Variants in XXYLT1 observed in about 807,000 individuals in gnomAD.
The protein encoded by XXYLT1 is UDP-xylose:alpha-xyloside alpha-1,3-xylosyltransferase.
In XXYLT1, 20 loss-of-function variants were observed where a neutral mutation model predicts 28.9. The ratio of observed to expected loss-of-function variants is 0.69; its 90% CI spans 0.49 to 1.00. The LOEUF (loss-of-function observed/expected upper bound fraction) is 1.00. Among genes scored for constraint, XXYLT1 ranks in the 50% least tolerant of loss-of-function variants. XXYLT1 has a pLI of 0.00. For missense variants in XXYLT1, 542 were observed against 560.1 expected, an observed-to-expected ratio of 0.97 and a Z score of 0.33; for synonymous variants, 257 against 253.8, an observed-to-expected ratio of 1.01 and a Z score of -0.12.
chr3:195,261,161 G>A (rs556047202), intron 1 of XXYLT1, among the ~76,000 whole-genome samples: 6 of 152,354 alleles, frequency 3.9e-5, no homozygotes, highest in African/African-American at 1.4e-4. Context: ...GGCCGGGCGC[G>A]GTGGCTCACG....
intron 3 of XXYLT1, among the ~76,000 whole-genome samples, chr3:195,112,403 C>T (rs535181755): frequency 1.6e-4 from 24 of 149,562 alleles, no homozygotes; most frequent in South Asian, 1.3e-3. Context: ...ACTGCACGTG[C>T]GCACGTGCGC....
intron 1 of XXYLT1, among the ~76,000 whole-genome samples, chr3:195,266,277 C>T (rs1334840589): frequency 2.0e-5 from 3 of 152,012 alleles, no homozygotes; most frequent in South Asian, 2.1e-4. Flanking sequence ...AGGTGGATCA[C>T]GAGGTCAAGA....
rs549014150 is a variant in XXYLT1, at chr3:195,271,151, G to C, written c.-93C>G. The C allele has an allele frequency of 3.4e-4, 430 of 1,252,600 alleles. No individual in the cohort carries two copies. Among genetic ancestry groups the C allele is most frequent in the Middle Eastern group, 6.2e-4 (2 of 3,230 alleles). 77.6% of individuals were successfully genotyped at this position (1,252,600 alleles called of 1,614,324 possible). ...CGGCCACTTAGCCCCGGCGCCAGGC[G>C]GCGGCCATGAAAGGGGCGGGGCCGC... is the stretch of plus-strand genomic sequence containing the variant. On this transcript the variant is annotated 5_prime_UTR_variant, in exon 1 of 4. Coordinates refer to ENST00000310380, the MANE Select transcript of XXYLT1 (RefSeq NM_152531.5).
At chr3:195,202,993 T>C (rs1042791861) in intron 2 of XXYLT1, among the ~76,000 whole-genome samples, 3 of 152,120 alleles carry the variant, frequency 2.0e-5, no homozygotes, top group African/African-American at 7.2e-5. Flanking sequence ...AAATTTTGTA[T>C]AGATGGGCTC....
At chr3:195,186,739 G>C (rs1253654575) in intron 2 of XXYLT1, among the ~76,000 whole-genome samples, 1 of 151,926 alleles carries the variant, frequency 6.6e-6, no homozygotes, top group Non-Finnish European at 1.5e-5. Flanking sequence ...CATGAGGACA[G>C]AGACCGACCC....
At chr3:195,211,637 A>G (rs1723316982) in intron 2 of XXYLT1, among the ~76,000 whole-genome samples, 1 of 152,218 alleles carries the variant, frequency 6.6e-6, no homozygotes, top group South Asian at 2.1e-4. Context: ...GATGATCAAA[A>G]CAAACAAAAA....
intron 3 of XXYLT1, among the ~76,000 whole-genome samples, chr3:195,071,618 C>G (rs1448793079): frequency 6.6e-6 from 1 of 152,148 alleles, no homozygotes; most frequent in East Asian, 1.9e-4. Flanking sequence ...CAAAAATAAG[C>G]TTCTCAAGCA....
intron 2 of XXYLT1, among the ~76,000 whole-genome samples, chr3:195,197,284 A>C (rs764396011): frequency 2.0e-5 from 3 of 152,084 alleles, no homozygotes; most frequent in Non-Finnish European, 4.4e-5. Flanking sequence ...TAAAAATACA[A>C]AAATTAGCCG....
At chr3:195,234,357 G>A (rs1180945466) in intron 1 of XXYLT1, among the ~76,000 whole-genome samples, 7 of 114,884 alleles carry the variant, frequency 6.1e-5, no homozygotes, top group East Asian at 2.9e-4. Context: ...TCACTCTGTC[G>A]CCCAGGCTGG....
At chr3:195,148,587 C>T (rs899065714) in intron 3 of XXYLT1, among the ~76,000 whole-genome samples, 2 of 152,138 alleles carry the variant, frequency 1.3e-5, no homozygotes, top group Non-Finnish European at 2.9e-5. Flanking sequence ...TCCCTTACAA[C>T]GGAGGGCTTC....
chr3:195,266,482 G>C (rs1725853576), intron 1 of XXYLT1, among the ~76,000 whole-genome samples: 1 of 151,384 alleles, frequency 6.6e-6, no homozygotes, highest in Non-Finnish European at 1.5e-5. Context: ...GACAGAGCAA[G>C]ACTCTATCAC....
In XXYLT1 at chr3:195,068,333, C is replaced by G. The variant is rs370366395; in HGVS notation, c.*1382G>C. 6.7e-6 allele frequency: 1 copy of G among 150,100 alleles called. No individual in the cohort carries two copies. The allele number at this position is 150,100 out of a possible 1,614,324, so 9.3% of individuals were successfully genotyped here. Reference sequence around the variant, plus strand: ...TCCTCACTCATGGGAAAAAGAAAAACGTAAATGAAATCAAAACAAAACAAG... The same window carrying G: ...TCCTCACTCATGGGAAAAAGAAAAAGGTAAATGAAATCAAAACAAAACAAG... On this transcript the variant is annotated 3_prime_UTR_variant, in exon 4 of 4. Transcript: ENST00000310380.
In XXYLT1 at chr3:195,177,966, G is replaced by A. The variant is rs887680610; in HGVS notation, c.653-21385C>T. Reference sequence around the variant, plus strand: ...AAAAAAAAAAAAAAAAAGAGGGATGGAAATGTTGCTTTTGTTGACTGGAGT... The same window carrying A: ...AAAAAAAAAAAAAAAAAGAGGGATGAAAATGTTGCTTTTGTTGACTGGAGT... On this transcript the variant is annotated intron_variant, in intron 2 of 3. Coordinates refer to ENST00000310380, the MANE Select transcript of XXYLT1 (RefSeq NM_152531.5). Among the ~76,000 whole-genome samples the A allele has an allele frequency of 2.0e-5, 3 of 148,768 alleles. No homozygotes were observed. The East Asian group carries it at 5.8e-4, about 29-fold the overall frequency.
At chr3:195,207,469 A>G (rs1723123291) in intron 2 of XXYLT1, 1 of 456,516 alleles carries the variant, frequency 2.2e-6, no homozygotes, top group African/African-American at 2.0e-5. Context: ...TATGTGCAAG[A>G]TGTTCTACCT....
intron 1 of XXYLT1, among the ~76,000 whole-genome samples, chr3:195,239,332 G>A (rs534510275): frequency 2.6e-4 from 40 of 152,236 alleles, no homozygotes; most frequent in African/African-American, 8.4e-4. Context: ...CTGGCAGTGC[G>A]GCAGGGGGCA....
At chr3:195,246,897 C>CT (rs1577194021) in intron 1 of XXYLT1, among the ~76,000 whole-genome samples, 1 of 152,248 alleles carries the variant, frequency 6.6e-6, no homozygotes, top group East Asian at 1.9e-4. Context: ...CACTCGCCAC[C>CT]TGCCGCTCCA....
chr3:195,158,727 C>A (rs948008896), intron 2 of XXYLT1, among the ~76,000 whole-genome samples: 3 of 152,236 alleles, frequency 2.0e-5, no homozygotes, highest in African/African-American at 7.2e-5. Context: ...CCAACAGGCC[C>A]CTGTGCAGCC....
chr3:195,213,830 C>T (rs183664146), intron 2 of XXYLT1, among the ~76,000 whole-genome samples: 1 of 152,222 alleles, frequency 6.6e-6, no homozygotes, highest in African/African-American at 2.4e-5. Flanking sequence ...CCCACCACCC[C>T]GGTGAGGCCT....
intron 3 of XXYLT1, among the ~76,000 whole-genome samples, chr3:195,112,538 G>A (rs958873013): frequency 6.8e-6 from 1 of 146,950 alleles, no homozygotes; most frequent in African/African-American, 2.6e-5. Flanking sequence ...AGAGCCCCCA[G>A]CCCCAGGTGG....
Sources: allele counts gnomAD v4.1 joint callset (sites outside exome capture counted in the v4.1 genomes callset), GRCh38; gene constraint gnomAD v4.1.1; transcripts MANE v1.5; gene names NCBI Gene and HGNC (gene_info 2026-07-23, HGNC 2026-07-21).